MEF2A: variants seen among roughly 807,000 people sequenced by gnomAD.
MEF2A encodes the protein myocyte enhancer factor 2A.
In MEF2A, 28 loss-of-function variants were observed where a neutral mutation model predicts 55.8. The ratio of observed to expected loss-of-function variants is 0.50; its 90% confidence interval spans 0.37 to 0.69. The LOEUF is 0.69. Ranked by LOEUF, MEF2A falls within the 30% of genes least tolerant of loss-of-function variation. The pLI is 0.00. For missense variants in MEF2A, 528 were observed against 626.2 expected (o/e 0.84, Z 1.67); for synonymous variants, 239 against 227.1 (o/e 1.05, Z -0.47).
chr15:99,591,850 C>T (rs1969401944), intron 1 of MEF2A, among the ~76,000 whole-genome samples: 1 of 151,914 alleles, frequency 6.6e-6, no homozygotes, highest in Non-Finnish European at 1.5e-5. Flanking sequence ...AAATCATTTT[C>T]TTTTTTGTTC....
At chr15:99,567,133 G>A (rs2152658252) in intron 1 of MEF2A, among the ~76,000 whole-genome samples, 1 of 152,360 alleles carries the variant, frequency 6.6e-6, no homozygotes, top group African/African-American at 2.4e-5. Flanking sequence ...CGAGCCTCCT[G>A]TTATGGTCCA....
intron 3 of MEF2A, among the ~76,000 whole-genome samples, chr15:99,639,900 C>T (rs1257160909): frequency 6.6e-6 from 1 of 152,102 alleles, no homozygotes; most frequent in East Asian, 1.9e-4. Flanking sequence ...AAGTTCTTTA[C>T]ATATTCTGGA....
intron 3 of MEF2A, among the ~76,000 whole-genome samples, chr15:99,637,553 C>G (rs892193973): frequency 6.6e-6 from 1 of 152,054 alleles, no homozygotes; most frequent in African/African-American, 2.4e-5. Flanking sequence ...GCCAGACTGC[C>G]AAAGTGGCTG....
intron 7 of MEF2A, among the ~76,000 whole-genome samples, chr15:99,685,271 A>G (rs2054006927): frequency 1.3e-5 from 2 of 152,126 alleles, no homozygotes; most frequent in Non-Finnish European, 2.9e-5. Context: ...TTGAATTTGT[A>G]GATTGCTTTT....
At chr15:99,566,575 G>C (rs1186930238) in intron 1 of MEF2A, 1 of 152,236 alleles carries the variant, frequency 6.6e-6, no homozygotes, top group Non-Finnish European at 1.5e-5. Context: ...AAAGTTGAAG[G>C]AGTTCTCGGG....
At chr15:99,585,115 G>A (rs1966854842) in intron 1 of MEF2A, among the ~76,000 whole-genome samples, 1 of 152,108 alleles carries the variant, frequency 6.6e-6, no homozygotes, top group South Asian at 2.1e-4. Context: ...TAGCACTTGG[G>A]CTGGAATTGT....
chr15:99,705,384 T>C (rs2057911359), intron 9 of MEF2A, among the ~76,000 whole-genome samples: 1 of 152,260 alleles, frequency 6.6e-6, no homozygotes, highest in Non-Finnish European at 1.5e-5. Context: ...ACTTCAGTTA[T>C]GAAAGCACTT....
At chr15:99,604,758 C>T (rs766942100) in intron 2 of MEF2A, among the ~76,000 whole-genome samples, 2 of 149,358 alleles carry the variant, frequency 1.3e-5, no homozygotes, top group African/African-American at 2.5e-5. Flanking sequence ...TGTTTTTGTA[C>T]GTGTATAAGT....
In MEF2A at chr15:99,712,043, G is replaced by A. The variant is rs556777945; in HGVS notation, c.1137-347G>A. ...CAGATGGGGAGCAGATGCTGAGGAA[G>A]AAGAGGCGGTGAGCAGATGAGGCTG... On this transcript the variant is annotated intron_variant, in intron 11 of 11. Coordinates refer to ENST00000557942, the MANE Select transcript of MEF2A (RefSeq NM_001319206.4). The surrounding 1 kb of genome is among the most constrained non-coding windows in gnomAD (Gnocchi z 4.1). 6.6e-6 allele frequency among the ~76,000 whole-genome samples: 1 copy of A among 152,234 alleles called. No homozygotes were observed. Among genetic ancestry groups the A allele is most frequent in the Non-Finnish European group, 1.5e-5 (1 of 68,044 alleles).
intron 7 of MEF2A, among the ~76,000 whole-genome samples, chr15:99,677,323 G>A (rs377604290): frequency 6.6e-5 from 10 of 152,008 alleles, no homozygotes; most frequent in African/African-American, 1.9e-4. Flanking sequence ...TAATATAACA[G>A]TGTTTACTGT....
At chr15:99,585,482 TA>T (rs767175126) in intron 1 of MEF2A, among the ~76,000 whole-genome samples, 1 of 152,220 alleles carries the variant, frequency 6.6e-6, no homozygotes, top group African/African-American at 2.4e-5. Context: ...TTAGTTTTTT[TA>T]AAAAATTATA....
intron 7 of MEF2A, among the ~76,000 whole-genome samples, chr15:99,676,393 C>T (rs2052040019): frequency 6.6e-6 from 1 of 150,856 alleles, no homozygotes; most frequent in Non-Finnish European, 1.5e-5. Flanking sequence ...TTTTTGTGTC[C>T]CTTTTTTTTT....
chr15:99,697,565 GATGAAAGAA>G (rs1452293983), intron 8 of MEF2A, among the ~76,000 whole-genome samples: 2 of 151,886 alleles, frequency 1.3e-5, no homozygotes, highest in Non-Finnish European at 2.9e-5. Flanking sequence ...GCAAAACACT[GATGAAAGAA>G]ATGAAAGAAG....
chr15:99,705,677 A>G (rs923045276), intron 9 of MEF2A, among the ~76,000 whole-genome samples: 2 of 152,224 alleles, frequency 1.3e-5, no homozygotes, highest in Non-Finnish European at 2.9e-5. Flanking sequence ...ATCTAGCCAA[A>G]GGCCTTTTTG....
At chr15:99,584,989 G>A (rs1596292561) in intron 1 of MEF2A, among the ~76,000 whole-genome samples, 1 of 152,002 alleles carries the variant, frequency 6.6e-6, no homozygotes, top group African/African-American at 2.4e-5. Context: ...GTATTTCTTG[G>A]CATTACTGTG....
chr15:99,680,681 T>C (rs1331169012), intron 7 of MEF2A, among the ~76,000 whole-genome samples: 2 of 152,226 alleles, frequency 1.3e-5, no homozygotes, highest in South Asian at 2.1e-4. Context: ...AAATGAAATT[T>C]CAACTGAATT....
chr15:99,683,752 G>C (rs180899056), intron 7 of MEF2A, among the ~76,000 whole-genome samples: 1 of 151,438 alleles, frequency 6.6e-6, no homozygotes, highest in East Asian at 1.9e-4. Flanking sequence ...AGTTTTGGGG[G>C]AACAAGTGGT....
rs2058977480 is a variant in MEF2A, at chr15:99,714,634, T to TTG, written c.*1863_*1864insTG. ...CAACTAATGGATGATAGCAAGTTCA[T>TTG]CCACTTACTGGGCTTGTGCCATGAG... On this transcript the variant is annotated 3_prime_UTR_variant, in exon 12 of 12. Coordinates refer to ENST00000557942, the MANE Select transcript of MEF2A (RefSeq NM_001319206.4). 1 of 152,162 alleles carries TTG rather than the reference T, an allele frequency of 6.6e-6. No homozygotes were observed. The highest frequency in any genetic ancestry group is 2.4e-5 in the African/African-American group (1 of 41,424). 9.4% of individuals were successfully genotyped at this position (152,162 alleles called of 1,614,324 possible).
chr15:99,679,956 G>GTAGCC (rs1268081558), intron 7 of MEF2A, among the ~76,000 whole-genome samples: 1 of 152,134 alleles, frequency 6.6e-6, no homozygotes, highest in Non-Finnish European at 1.5e-5. Flanking sequence ...CAAACTAGAG[G>GTAGCC]TAGCCTTTGA....
Sources: gnomAD v4.1 joint callset for allele counts (sites outside exome capture counted in the v4.1 genomes callset) on GRCh38, gnomAD v4.1.1 for gene constraint, Gnocchi (gnomAD v3.1) non-coding constraint, MANE v1.5 for transcripts, NCBI Gene and HGNC (gene_info 2026-07-23, HGNC 2026-07-21) for gene names.